Variants in RBFOX1 observed in about 807,000 individuals in gnomAD.
RBFOX1 encodes the protein RNA binding protein fox-1 homolog 1.
In RBFOX1, 8 loss-of-function variants were observed where a neutral mutation model predicts 57.7. That is an observed-to-expected ratio of 0.14 (90% CI 0.08 to 0.25). The LOEUF is 0.25. RBFOX1 is among the 10% of genes least tolerant of loss of function. The probability of loss-of-function intolerance (pLI) is 1.00; values close to 1 mark genes in which losing one functional copy is unlikely to be tolerated. For missense variants in RBFOX1, 611 were observed against 548.5 expected, an observed-to-expected ratio of 1.11 and a Z score of -1.14; for synonymous variants, 326 against 222.4, an observed-to-expected ratio of 1.47 and a Z score of -4.15.
intron 4 of RBFOX1, among the ~76,000 whole-genome samples, chr16:5,879,787 G>T (rs139628397): frequency 3.9e-5 from 6 of 152,138 alleles, no homozygotes; most frequent in African/African-American, 1.4e-4. Context: ...TGTTGACCTC[G>T]CAGTACAGGA....
intron 4 of RBFOX1, among the ~76,000 whole-genome samples, chr16:7,199,622 A>C (rs1050391001): frequency 2.0e-5 from 3 of 152,198 alleles, no homozygotes; most frequent in African/African-American, 7.2e-5. Flanking sequence ...TGGGCAGTGC[A>C]GTAGCTCACG....
intron 3 of RBFOX1, among the ~76,000 whole-genome samples, chr16:6,951,654 T>C (rs1460679424): frequency 2.0e-5 from 3 of 152,170 alleles, no homozygotes; most frequent in Non-Finnish European, 2.9e-5. Context: ...GTAAGTATAG[T>C]ATCACTTTTG....
intron 15 of RBFOX1, chr16:7,709,839 G>A: frequency 1.6e-6 from 2 of 1,245,072 alleles, no homozygotes; most frequent in Non-Finnish European, 2.0e-6. Context: ...AAACTCTTGA[G>A]TACAGTAAGA....
chr16:6,236,277 C>G (rs963676903), intron 1 of RBFOX1, among the ~76,000 whole-genome samples: 2 of 152,106 alleles, frequency 1.3e-5, no homozygotes, highest in Admixed American at 6.5e-5. Flanking sequence ...CTTGGGAAAA[C>G]TACTGCATCT....
At chr16:5,809,865 C>G (rs113177664) in intron 3 of RBFOX1, among the ~76,000 whole-genome samples, 2,153 of 152,172 alleles carry the variant, frequency 0.014, 61 homozygotes, top group African/African-American at 0.049. Context: ...GCTATAAAGA[C>G]ACATGCACAC....
chr16:7,688,934 C>G (rs1304315747), intron 14 of RBFOX1, among the ~76,000 whole-genome samples: 1 of 151,970 alleles, frequency 6.6e-6, no homozygotes, highest in African/African-American at 2.4e-5. Context: ...TGATTAAATA[C>G]CCCCTACGTG....
At chr16:6,842,523 T>G (rs1373199553) in intron 3 of RBFOX1, among the ~76,000 whole-genome samples, 1 of 152,170 alleles carries the variant, frequency 6.6e-6, no homozygotes, top group Non-Finnish European at 1.5e-5. Context: ...ATCCTGCCCT[T>G]TTCAGCTTGA....
At chr16:6,708,482 T>A (rs1033243500) in intron 3 of RBFOX1, among the ~76,000 whole-genome samples, 6 of 152,144 alleles carry the variant, frequency 3.9e-5, no homozygotes, top group African/African-American at 1.4e-4. Context: ...CCAATGAGGG[T>A]CCTTTAAGAT....
intron 3 of RBFOX1, among the ~76,000 whole-genome samples, chr16:6,947,226 G>A (rs571330400): frequency 2.8e-4 from 43 of 152,204 alleles, no homozygotes; most frequent in Non-Finnish European, 5.1e-4. Flanking sequence ...TTTAGGAATT[G>A]GCCAAAATGA....
rs540788471 is a variant in RBFOX1, at chr16:6,214,395, G to A, written c.-126-102600G>A. On this transcript the variant is annotated intron_variant, in intron 1 of 15. Transcript: ENST00000550418. ...AGAAAGAGTGAGAGTGAGAGGGAGA[G>A]GGACAGGAAGAGAGGGAGTGGGGAG... Among the ~76,000 whole-genome samples the A allele has an allele frequency of 1.1e-4, 16 of 148,900 alleles. No individual in the cohort carries two copies. In the South Asian group the frequency reaches 3.1e-3, roughly 28 times the overall value.
chr16:5,909,823 G>A (rs2152207076), intron 4 of RBFOX1, among the ~76,000 whole-genome samples: 1 of 152,198 alleles, frequency 6.6e-6, no homozygotes. Flanking sequence ...AGACCGCGGC[G>A]GGCAGATCAC....
intron 1 of RBFOX1, among the ~76,000 whole-genome samples, chr16:5,251,511 G>A (rs1178452508): frequency 1.3e-5 from 2 of 152,230 alleles, no homozygotes; most frequent in Non-Finnish European, 2.9e-5. Flanking sequence ...TAGAGTGATT[G>A]AGTGGCAGGG....
At chr16:5,452,519 C>T (rs552498211) in intron 1 of RBFOX1, among the ~76,000 whole-genome samples, 7 of 152,246 alleles carry the variant, frequency 4.6e-5, no homozygotes, top group Admixed American at 2.6e-4. Flanking sequence ...CACTGCCTTT[C>T]GCCAGGACTG....
intron 14 of RBFOX1, among the ~76,000 whole-genome samples, chr16:7,679,047 A>G (rs913544613): frequency 2.0e-5 from 3 of 152,218 alleles, no homozygotes; most frequent in African/African-American, 4.8e-5. Flanking sequence ...ATTTAACTTT[A>G]TCATAAGCAA....
intron 4 of RBFOX1, among the ~76,000 whole-genome samples, chr16:7,487,773 C>T (rs563875173): frequency 6.6e-6 from 1 of 152,132 alleles, no homozygotes; most frequent in African/African-American, 2.4e-5. Context: ...TCATTCAGCA[C>T]TTGGACAACC....
chr16:7,297,678 A>G (rs2095926756), intron 4 of RBFOX1, among the ~76,000 whole-genome samples: 1 of 152,316 alleles, frequency 6.6e-6, no homozygotes, highest in South Asian at 2.1e-4. Flanking sequence ...TGGGGTCTTT[A>G]TAATAACAAC....
At chr16:6,867,665 G>C (rs762816747) in intron 3 of RBFOX1, among the ~76,000 whole-genome samples, 3 of 152,166 alleles carry the variant, frequency 2.0e-5, no homozygotes, top group Admixed American at 2.0e-4. Flanking sequence ...GTTGCAGTGA[G>C]TGCCGAGATT....
chr16:6,524,387 C>T (rs1465155252), intron 2 of RBFOX1, among the ~76,000 whole-genome samples: 2 of 152,210 alleles, frequency 1.3e-5, no homozygotes, highest in African/African-American at 4.8e-5. Flanking sequence ...TGTGTGCATT[C>T]ATCTGTTGAT....
At chr16:6,635,250 A>G (rs950675197) in intron 2 of RBFOX1, among the ~76,000 whole-genome samples, 2 of 151,380 alleles carry the variant, frequency 1.3e-5, no homozygotes, top group African/African-American at 4.8e-5. Flanking sequence ...TATATTCATC[A>G]CTAAAAATGA....
Sources: gnomAD v4.1 joint callset for allele counts (sites outside exome capture counted in the v4.1 genomes callset) on GRCh38, gnomAD v4.1.1 for gene constraint, MANE v1.5 for transcripts, NCBI Gene and HGNC (gene_info 2026-07-23, HGNC 2026-07-21) for gene names.